The following DEK variants were observed in gnomAD, a reference collection of about 807,000 sequenced individuals.
The protein encoded by DEK is protein DEK.
In DEK, 28 loss-of-function variants were observed where a neutral mutation model predicts 46.8. The ratio of observed to expected loss-of-function variants is 0.60; its 90% CI spans 0.44 to 0.82. The LOEUF is 0.82. Among genes scored for constraint, DEK ranks in the 40% least tolerant of loss-of-function variants. The pLI, the probability that DEK is intolerant of heterozygous loss-of-function variation, is 0.00. For missense variants in DEK, 416 were observed against 430.6 expected (o/e 0.97, Z 0.30); for synonymous variants, 160 against 144.5 (o/e 1.11, Z -0.77).
In DEK at chr6:18,225,533, T is replaced by C. The variant is rs900403847; in HGVS notation, c.*186A>G. 1.1e-5 allele frequency: 6 copies of C among 531,678 alleles called. No individual in the cohort carries two copies. The Admixed American group carries it at 1.5e-4, about 13-fold the overall frequency. 32.9% of individuals were successfully genotyped at this position (531,678 alleles called of 1,614,324 possible). ...GCAAGATTTTAAACTAAAAATGGCA[T>C]AGAAATGCAATTTAAAACAGCAAAC... On this transcript the variant is annotated 3_prime_UTR_variant, in exon 11 of 11. Coordinates refer to ENST00000652689, the MANE Select transcript of DEK (RefSeq NM_003472.4).
At position 18,263,840 on chromosome 6, in the gene DEK, C is replaced by A. The variant is rs376198736; in HGVS notation, c.145+3G>T. On this transcript the variant is annotated splice_donor_region_variant and intron_variant, in intron 2 of 10. Transcript: ENST00000652689. Reference sequence around the variant, plus strand: ...TCATCAGTTGGGATGCGACTCCCCCCACCTTTTTCCTCCTCCTCCTCCTCC... The same window carrying A: ...TCATCAGTTGGGATGCGACTCCCCCAACCTTTTTCCTCCTCCTCCTCCTCC... The A allele has an allele frequency of 5.8e-5, 94 of 1,612,056 alleles. No homozygotes were observed. The highest frequency in any genetic ancestry group is 2.2e-5 in the Non-Finnish European group (26 of 1,179,124).
At chr6:18,253,716 C>G (rs1235771699) in intron 6 of DEK, among the ~76,000 whole-genome samples, 1 of 152,020 alleles carries the variant, frequency 6.6e-6, no homozygotes, top group Non-Finnish European at 1.5e-5. Context: ...GCTCGGTTTT[C>G]TTCATATACT....
At chr6:18,259,784 G>A (rs1034744065) in intron 2 of DEK, among the ~76,000 whole-genome samples, 5 of 152,198 alleles carry the variant, frequency 3.3e-5, no homozygotes, top group African/African-American at 7.2e-5. Flanking sequence ...AACAAAGCAC[G>A]TGTGCTGGCT....
chr6:18,226,132 C>T (rs779890293), intron 10 of DEK, 42 bp downstream of exon 10: 71 of 1,229,806 alleles, frequency 5.8e-5, no homozygotes, highest in Non-Finnish European at 7.3e-5. Flanking sequence ...TTACTTTTGT[C>T]TTATATTTCT....
chr6:18,236,621 A>T, intron 8 of DEK, 21 bp from the exon 9 acceptor site: 1 of 1,381,936 alleles, frequency 7.2e-7, no homozygotes, highest in Non-Finnish European at 9.6e-7. Flanking sequence ...TATAATAATA[A>T]TAATTTTTCT....
chr6:18,248,246 C>T (rs1298037478), intron 7 of DEK, among the ~76,000 whole-genome samples: 1 of 152,042 alleles, frequency 6.6e-6, no homozygotes, highest in African/African-American at 2.4e-5. Flanking sequence ...ATATAGAGGT[C>T]AGATTTGAAC....
At chr6:18,249,512 G>T in intron 7 of DEK, 139 bp downstream of exon 7, 1 of 1,258,178 alleles carries the variant, frequency 7.9e-7, no homozygotes. Flanking sequence ...AAAAGAAATG[G>T]GTTCATACTT....
intron 7 of DEK, among the ~76,000 whole-genome samples, chr6:18,244,857 A>C (rs368046732): frequency 2.9e-4 from 44 of 152,342 alleles, no homozygotes; most frequent in African/African-American, 9.6e-4. Context: ...GAGATAGTTT[A>C]GTTTTCTAAA....
In DEK at chr6:18,264,477, C is replaced by T; in HGVS notation, c.-102G>A. 1 of 282,772 alleles carries T rather than the reference C, an allele frequency of 3.5e-6. No homozygotes were observed. Among genetic ancestry groups the T allele is most frequent in the Non-Finnish European group, 7.1e-6 (1 of 140,522 alleles). 17.5% of individuals were successfully genotyped at this position (282,772 alleles called of 1,614,324 possible). Reference sequence around the variant, plus strand: ...CGACGCCGAGGAGAAGGCGCGCGGGCCGCTGTCTGGCGTGACGCTCGCGCC... The same window carrying T: ...CGACGCCGAGGAGAAGGCGCGCGGGTCGCTGTCTGGCGTGACGCTCGCGCC... On this transcript the variant is annotated 5_prime_UTR_variant, in exon 1 of 11. Coordinates refer to ENST00000652689, the MANE Select transcript of DEK (RefSeq NM_003472.4).
intron 7 of DEK, among the ~76,000 whole-genome samples, chr6:18,241,789 A>T (rs1034547705): frequency 2.0e-5 from 3 of 152,182 alleles, no homozygotes; most frequent in African/African-American, 7.2e-5. Context: ...TGGAAAAACC[A>T]TTCTGAGCTT....
intron 7 of DEK, among the ~76,000 whole-genome samples, chr6:18,248,524 A>AAT (rs1236774295): frequency 6.6e-6 from 1 of 152,144 alleles, no homozygotes; most frequent in South Asian, 2.1e-4. Flanking sequence ...CTTTGTGCCA[A>AAT]ATATATATTA....
intron 6 of DEK, among the ~76,000 whole-genome samples, chr6:18,253,798 G>A (rs1791492105): frequency 6.6e-6 from 1 of 152,034 alleles, no homozygotes; most frequent in Admixed American, 6.5e-5. Context: ...GCTCACTGCA[G>A]CACTGACCTC....
Position 18,259,394 on chromosome 6 carries a change from CAA to C in DEK, c.146-991_146-990del, listed in dbSNP as rs56704006. ...TGGGCGACACAGCAAGACTCCGTCT[CAA>C]AAAAAAAAAAAAAAAAAAAAAAAAA... On this transcript the variant is annotated intron_variant, in intron 2 of 10. Transcript: ENST00000652689. 4.2e-3 allele frequency among the ~76,000 whole-genome samples: 172 copies of C among 41,440 alleles called. 3 individuals are homozygous for C. Among genetic ancestry groups the C allele is most frequent in the Non-Finnish European group, 6.8e-3 (131 of 19,148 alleles). 27.2% of individuals were successfully genotyped at this position (41,440 alleles called of 152,430 possible).
intron 7 of DEK, among the ~76,000 whole-genome samples, chr6:18,238,868 C>T (rs745580300): frequency 2.0e-5 from 3 of 152,166 alleles, no homozygotes; most frequent in East Asian, 1.9e-4. Flanking sequence ...CTTGACAGAA[C>T]GTTTCTCCAA....
intron 9 of DEK, among the ~76,000 whole-genome samples, chr6:18,233,205 A>G (rs1261319480): frequency 6.6e-6 from 1 of 152,192 alleles, no homozygotes; most frequent in Non-Finnish European, 1.5e-5. Context: ...TTAATTCAAG[A>G]TGGATTAAAG....
chr6:18,235,245 G>A (rs1790597613), intron 9 of DEK, among the ~76,000 whole-genome samples: 1 of 152,124 alleles, frequency 6.6e-6, no homozygotes, highest in Admixed American at 6.6e-5. Flanking sequence ...ATTTATTTCA[G>A]GAAGAAACTC....
chr6:18,237,273 A>G lies in DEK; in HGVS notation c.898+108T>C, dbSNP rs1229112340. The G allele has an allele frequency of 1.8e-5, 24 of 1,312,782 alleles. No homozygotes were observed. In the East Asian group the frequency reaches 6.0e-4, roughly 33 times the overall value. 81.3% of individuals were successfully genotyped at this position (1,312,782 alleles called of 1,614,324 possible). A position where few individuals can be genotyped will look rare whatever the true frequency, so the allele number is the denominator to read the frequency against. On this transcript the variant is annotated intron_variant, in intron 8 of 10. Coordinates refer to ENST00000652689, the MANE Select transcript of DEK (RefSeq NM_003472.4). Reference sequence around the variant, plus strand: ...TCAACCTGTATTACTTCTCCCCGCAATGTTCTCTGCAGTTTACCTGTTTCT... The same window carrying G: ...TCAACCTGTATTACTTCTCCCCGCAGTGTTCTCTGCAGTTTACCTGTTTCT...
chr6:18,257,982 G>C lies in DEK; in HGVS notation c.328C>G (p.His110Asp). 6.2e-7 allele frequency: 1 copy of C among 1,611,372 alleles called. No homozygotes were observed. The highest frequency in any genetic ancestry group is 1.1e-5 in the South Asian group (1 of 90,100). ...CCTGGCCTGTTGTAAAGCAGTTTGT[G>C]TAGATTTCTAAGTTCATCGGTTTTC... ...KKKTDELRNLHKLLYNRPGTV... is the reference protein window; with the variant it reads ...KKKTDELRNLDKLLYNRPGTV... The change falls in exon 4 of 11, where the codon CAC becomes GAC. Residue 110 changes from histidine (H) to aspartate (D), a missense_variant. Transcript: ENST00000652689.
intron 9 of DEK, among the ~76,000 whole-genome samples, chr6:18,231,011 A>T (rs1391917552): frequency 6.7e-6 from 1 of 148,250 alleles, no homozygotes; most frequent in African/African-American, 2.4e-5. Context: ...AAATTTTAAC[A>T]AACTCTCTCT....
Sources: allele counts gnomAD v4.1 joint callset (sites outside exome capture counted in the v4.1 genomes callset), GRCh38; gene constraint gnomAD v4.1.1; transcripts MANE v1.5; gene names NCBI Gene and HGNC (gene_info 2026-07-23, HGNC 2026-07-21).